Variants in DKK2 observed in about 807,000 individuals in gnomAD.
The protein encoded by DKK2 is dickkopf-related protein 2.
In DKK2, 11 loss-of-function variants were observed where a neutral mutation model predicts 28.1. The observed-to-expected ratio is 0.39, with a 90% CI of 0.25 to 0.65. DKK2 has a LOEUF of 0.65. Ranked by LOEUF, DKK2 falls within the 30% of genes least tolerant of loss-of-function variation. The pLI, the probability that DKK2 is intolerant of heterozygous loss-of-function variation, is 0.47. For synonymous variants in DKK2, 135 were observed against 126.5 expected (o/e 1.07, Z -0.45); for missense variants, 326 against 335.5 (o/e 0.97, Z 0.22).
rs963097306 is a variant in DKK2, at chr4:106,980,286, T to C, written c.223-54337A>G. On this transcript the variant is annotated intron_variant, in intron 1 of 3. Transcript: ENST00000285311. The stretch of plus-strand genomic sequence containing the variant: ...ATCTATATACTTACATATATTAATT[T>C]ATATCTATAGATATCTATGTGTATG... 5.9e-5 allele frequency among the ~76,000 whole-genome samples: 9 copies of C among 152,254 alleles called. 1 individual carries two copies. The highest frequency in any genetic ancestry group is 5.9e-4 in the Admixed American group (9 of 15,308).
chr4:107,023,728 G>A (rs960078673), intron 1 of DKK2, among the ~76,000 whole-genome samples: 3 of 152,062 alleles, frequency 2.0e-5, no homozygotes, highest in African/African-American at 4.8e-5. Flanking sequence ...GGGAAAGAAG[G>A]AGGTAAGGGA....
chr4:106,989,123 C>T (rs1009292415), intron 1 of DKK2, among the ~76,000 whole-genome samples: 5 of 152,052 alleles, frequency 3.3e-5, no homozygotes, highest in African/African-American at 7.2e-5. Context: ...AGTGGTTACT[C>T]CTGGGGTCAA....
intron 1 of DKK2, among the ~76,000 whole-genome samples, chr4:107,009,962 C>T (rs1723492653): frequency 6.6e-6 from 1 of 151,682 alleles, no homozygotes. Context: ...TGCCTCAATT[C>T]CTCAAATTTA....
chr4:106,990,242 CA>C (rs1723184220), intron 1 of DKK2, among the ~76,000 whole-genome samples: 1 of 152,078 alleles, frequency 6.6e-6, no homozygotes, highest in African/African-American at 2.4e-5. Context: ...ATGACAGTCC[CA>C]CTATCAAGAG....
At chr4:106,998,843 T>A (rs1305922886) in intron 1 of DKK2, among the ~76,000 whole-genome samples, 1 of 152,198 alleles carries the variant, frequency 6.6e-6, no homozygotes, top group Non-Finnish European at 1.5e-5. Context: ...TTTCAGGTCA[T>A]TTTTTATCTC....
chr4:106,970,153 T>C (rs1164128803), intron 1 of DKK2, among the ~76,000 whole-genome samples: 1 of 152,120 alleles, frequency 6.6e-6, no homozygotes, highest in South Asian at 2.1e-4. Context: ...TTTACATTTA[T>C]AAAATAGGGA....
intron 1 of DKK2, among the ~76,000 whole-genome samples, chr4:106,938,986 C>G (rs977975135): frequency 5.9e-5 from 9 of 151,884 alleles, no homozygotes; most frequent in African/African-American, 1.7e-4. Flanking sequence ...CTATCTATGA[C>G]AAACCCACAG....
chr4:107,030,790 G>A (rs1723865074), intron 1 of DKK2, among the ~76,000 whole-genome samples: 1 of 151,908 alleles, frequency 6.6e-6, no homozygotes, highest in Non-Finnish European at 1.5e-5. Context: ...AAGCAATTTT[G>A]TAAGGAAATG....
At chr4:106,987,247 T>C (rs1026130566) in intron 1 of DKK2, among the ~76,000 whole-genome samples, 9 of 152,336 alleles carry the variant, frequency 5.9e-5, no homozygotes, top group Non-Finnish European at 1.2e-4. Context: ...TTATTCTTAG[T>C]AGAGAAGAAT....
At chr4:107,005,170 T>C (rs1723418094) in intron 1 of DKK2, among the ~76,000 whole-genome samples, 1 of 151,562 alleles carries the variant, frequency 6.6e-6, no homozygotes, top group Non-Finnish European at 1.5e-5. Flanking sequence ...GTGAAACCCG[T>C]CTCTACTAAA....
chr4:106,935,011 T>C (rs1345540439), intron 1 of DKK2, among the ~76,000 whole-genome samples: 2 of 152,084 alleles, frequency 1.3e-5, no homozygotes, highest in Non-Finnish European at 2.9e-5. Context: ...CCCAAATGAT[T>C]ACCTACAGAG....
At chr4:106,990,271 G>T (rs1296152188) in intron 1 of DKK2, among the ~76,000 whole-genome samples, 1 of 152,060 alleles carries the variant, frequency 6.6e-6, no homozygotes, top group Non-Finnish European at 1.5e-5. Context: ...GCCACATGTA[G>T]CCAGTGGCTT....
rs7697285 is a variant in DKK2 at position 106,964,815 on chromosome 4, A to G, written c.223-38866T>C. On this transcript the variant is annotated intron_variant, in intron 1 of 3. Coordinates refer to ENST00000285311, the MANE Select transcript of DKK2 (RefSeq NM_014421.3). Reference sequence around the variant, plus strand: ...GTAGAAATTCTGACTCAAGCCTGGAACACCAATTGTTTCTGAATTTCCAGC... The same window carrying G: ...GTAGAAATTCTGACTCAAGCCTGGAGCACCAATTGTTTCTGAATTTCCAGC... Among the ~76,000 whole-genome samples the G allele has an allele frequency of 5.0e-3, 766 of 152,262 alleles. 4 individuals are homozygous for G. The highest frequency in any genetic ancestry group is 0.017 in the African/African-American group (714 of 41,556).
intron 1 of DKK2, among the ~76,000 whole-genome samples, chr4:106,947,636 G>C (rs1265392286): frequency 1.3e-5 from 2 of 151,034 alleles, no homozygotes; most frequent in African/African-American, 4.9e-5. Flanking sequence ...AGTTGGGTAG[G>C]CTTTAAAAAA....
chr4:106,984,123 T>C (rs1723080660), intron 1 of DKK2, among the ~76,000 whole-genome samples: 2 of 152,216 alleles, frequency 1.3e-5, no homozygotes, highest in Admixed American at 1.3e-4. Flanking sequence ...CCCAGAGAAA[T>C]GAAGACTCTG....
chr4:107,026,293 A>G (rs529111874), intron 1 of DKK2, among the ~76,000 whole-genome samples: 1 of 152,344 alleles, frequency 6.6e-6, no homozygotes, highest in South Asian at 2.1e-4. Flanking sequence ...TATCAGGTTG[A>G]AAGTAAATGT....
chr4:106,972,657 A>C (rs907912880), intron 1 of DKK2, among the ~76,000 whole-genome samples: 1 of 152,128 alleles, frequency 6.6e-6, no homozygotes, highest in Non-Finnish European at 1.5e-5. Context: ...CAACTTATAT[A>C]AAGTTCTTAG....
chr4:106,979,797 A>G (rs980439418), intron 1 of DKK2, among the ~76,000 whole-genome samples: 1 of 152,256 alleles, frequency 6.6e-6, no homozygotes, highest in African/African-American at 2.4e-5. Context: ...GCACTCAGGC[A>G]CAGATGCAGT....
chr4:106,929,666 C>G (rs367600272), intron 1 of DKK2, among the ~76,000 whole-genome samples: 2 of 152,084 alleles, frequency 1.3e-5, no homozygotes, highest in Admixed American at 1.3e-4. Context: ...TTATTACAAC[C>G]ATGACATGAA....
Sources: gnomAD v4.1 joint callset for allele counts (sites outside exome capture counted in the v4.1 genomes callset) on GRCh38, gnomAD v4.1.1 for gene constraint, MANE v1.5 for transcripts, NCBI Gene and HGNC (gene_info 2026-07-23, HGNC 2026-07-21) for gene names.